The following ZYG11A variants were observed in gnomAD, a reference collection of about 807,000 sequenced individuals.
ZYG11A encodes the protein zyg-11 family member A, cell cycle regulator.
Under a neutral mutation model 77.2 loss-of-function variants are expected in ZYG11A, and 62 were observed. That is an observed-to-expected ratio of 0.80 (90% CI 0.65 to 0.99). ZYG11A has a LOEUF of 0.99. Ranked by LOEUF, ZYG11A falls within the 50% of genes least tolerant of loss-of-function variation. The pLI is 0.00. For synonymous variants in ZYG11A, 315 were observed against 324.6 expected, an observed-to-expected ratio of 0.97 and a Z score of 0.32; for missense variants, 828 against 896.8, an observed-to-expected ratio of 0.92 and a Z score of 0.98.
rs1481767031 is a variant in ZYG11A at position 52,857,539 on chromosome 1, C to T, written c.798C>T (p.His266=). Residue 266 remains histidine, a synonymous_variant, in exon 3 of 14, where the codon CAC becomes CAT. Coordinates refer to ENST00000371528, the MANE Select transcript of ZYG11A (RefSeq NM_001004339.3). ...KCLLHLDISD[H]RQLKSDLAFH... is the part of the protein sequence containing the mutation. ...TGCTTCACCTTGATATTTCTGATCACAGGCAACTCAAATCAGACCTAGCTT... is the reference window on the plus strand; with the variant it reads ...TGCTTCACCTTGATATTTCTGATCATAGGCAACTCAAATCAGACCTAGCTT... 1.3e-6 allele frequency: 2 copies of T among 1,551,888 alleles called. No homozygotes were observed. Among genetic ancestry groups the T allele is most frequent in the Non-Finnish European group, 1.7e-6 (2 of 1,147,018 alleles).
chr1:52,885,746 T>C, intron 11 of ZYG11A, 87 bp from the exon 12 acceptor site: 1 of 965,112 alleles, frequency 1.0e-6, no homozygotes. Context: ...TATCTAAATT[T>C]GTTCAATCGT....
chr1:52,891,515 T>A (rs917723483), intron 13 of ZYG11A, among the ~76,000 whole-genome samples: 3 of 151,918 alleles, frequency 2.0e-5, no homozygotes, highest in African/African-American at 4.9e-5. Context: ...CTCGTTTTTT[T>A]ATATTAATTT....
At chr1:52,888,157 C>G (rs1646481290) in intron 13 of ZYG11A, among the ~76,000 whole-genome samples, 1 of 152,050 alleles carries the variant, frequency 6.6e-6, no homozygotes, top group African/African-American at 2.4e-5. Flanking sequence ...ATGCAGTAAA[C>G]TATGAGATAA....
At chr1:52,854,086 A>G (rs1645763606) in intron 1 of ZYG11A, among the ~76,000 whole-genome samples, 2 of 152,090 alleles carry the variant, frequency 1.3e-5, no homozygotes, top group South Asian at 4.1e-4. Flanking sequence ...AGTATAAAGG[A>G]TTTATACTGT....
In ZYG11A at chr1:52,857,217, A is replaced by C. The variant is rs1196556873; in HGVS notation, c.476A>C (p.Gln159Pro). 2.6e-6 allele frequency: 4 copies of C among 1,552,140 alleles called. No individual in the cohort carries two copies. ...AATAGGTGGATCCAGCAAAACCTCC[A>C]GTGTCTCCTGTTAGACTCGACAAGC... ...CSNRWIQQNLQCLLLDSTSIP... is the reference protein window; with the variant it reads ...CSNRWIQQNLPCLLLDSTSIP... Residue 159 changes from glutamine to proline, a missense_variant, in exon 3 of 14, where the codon CAG becomes CCG. By Grantham distance (76) the Gln-to-Pro change is moderately conservative (BLOSUM62 -1). Transcript: ENST00000371528.
chr1:52,862,959 T>C (rs1645958542), intron 4 of ZYG11A, among the ~76,000 whole-genome samples: 1 of 152,132 alleles, frequency 6.6e-6, no homozygotes, highest in South Asian at 2.1e-4. Flanking sequence ...GTTTTTTTTG[T>C]TTTTTCTGTA....
intron 10 of ZYG11A, among the ~76,000 whole-genome samples, chr1:52,880,549 C>T (rs368838769): frequency 6.6e-6 from 1 of 152,102 alleles, no homozygotes; most frequent in Non-Finnish European, 1.5e-5. Flanking sequence ...AAATATCACT[C>T]CCATGATTAT....
intron 13 of ZYG11A, among the ~76,000 whole-genome samples, chr1:52,892,023 C>G (rs1240997292): frequency 1.3e-5 from 2 of 151,162 alleles, no homozygotes; most frequent in Non-Finnish European, 2.9e-5. Context: ...CTCAGCCTCC[C>G]GAGTAGCTGG....
chr1:52,844,099 G>C (rs1319990835), intron 1 of ZYG11A, among the ~76,000 whole-genome samples: 1 of 152,128 alleles, frequency 6.6e-6, no homozygotes. Flanking sequence ...TGACTTGCTC[G>C]TGAACTTGAA....
At chr1:52,878,964 A>AAC (rs1557452999) in intron 10 of ZYG11A, among the ~76,000 whole-genome samples, 1 of 149,578 alleles carries the variant, frequency 6.7e-6, no homozygotes, top group African/African-American at 2.4e-5. Context: ...AAAAAAAAAA[A>AAC]AAAAAAAAAA....
intron 10 of ZYG11A, among the ~76,000 whole-genome samples, chr1:52,880,251 G>A (rs1015190092): frequency 6.6e-5 from 10 of 151,934 alleles, no homozygotes; most frequent in African/African-American, 2.2e-4. Flanking sequence ...AAAAACAGGC[G>A]TGGGGGGGAC....
intron 4 of ZYG11A, 30 bp downstream of exon 4, chr1:52,860,901 A>G (rs1645915880): frequency 1.3e-6 from 2 of 1,540,406 alleles, no homozygotes; most frequent in African/African-American, 1.4e-5. Context: ...TTTTACTATT[A>G]CTTCTTAACT....
intron 12 of ZYG11A, among the ~76,000 whole-genome samples, chr1:52,886,400 G>A (rs1646451447): frequency 1.3e-5 from 2 of 152,194 alleles, no homozygotes; most frequent in South Asian, 2.1e-4. Flanking sequence ...GATTGAGGAT[G>A]CAATGAGATA....
chr1:52,879,905 A>G (rs2150016846), intron 10 of ZYG11A, among the ~76,000 whole-genome samples: 1 of 151,588 alleles, frequency 6.6e-6, no homozygotes, highest in East Asian at 1.9e-4. Context: ...TGGGATTGCA[A>G]GCATGCGCCA....
Position 52,857,596 on chromosome 1 carries a change from C to A in ZYG11A, c.855C>A (p.Pro285=), listed in dbSNP as rs1240100953. 38 of 1,551,800 alleles carry A rather than the reference C, an allele frequency of 2.4e-5. No individual in the cohort carries two copies. The highest frequency in any genetic ancestry group is 2.9e-5 in the Non-Finnish European group (33 of 1,147,050). Residue 285 remains proline, a synonymous_variant, in exon 3 of 14, where the codon CCC becomes CCA. Transcript: ENST00000371528. The part of the protein sequence containing the change: ...FHLLQQKDIL[P]NVVSLDISGG... ...TGCTACAGCAGAAGGATATCCTGCC[C>A]AATGTTGTGTCATTGGATATTTCTG...
chr1:52,857,538 A>T lies in ZYG11A; in HGVS notation c.797A>T (p.His266Leu). Residue 266 changes from histidine to leucine, a missense_variant, in exon 3 of 14, where the codon CAC becomes CTC. Physicochemically the swap from His to Leu is moderately conservative, Grantham distance 99. Transcript: ENST00000371528. ...KCLLHLDISD[H>L]RQLKSDLAFH... is the part of the protein sequence containing the mutation. ...CTGCTTCACCTTGATATTTCTGATC[A>T]CAGGCAACTCAAATCAGACCTAGCT... 1 of 1,552,038 alleles carries T rather than the reference A, an allele frequency of 6.4e-7. No homozygotes were observed. Among genetic ancestry groups the T allele is most frequent in the Non-Finnish European group, 8.7e-7 (1 of 1,147,024 alleles).
intron 11 of ZYG11A, among the ~76,000 whole-genome samples, chr1:52,885,579 T>A (rs535129267): frequency 3.8e-4 from 58 of 152,344 alleles, no homozygotes; most frequent in South Asian, 3.5e-3. Flanking sequence ...GTTCTTTGTT[T>A]TACTTTCTGT....
chr1:52,885,919 CTTCT>C (rs1249242303), intron 12 of ZYG11A, 25 bp downstream of exon 12: 1 of 1,492,702 alleles, frequency 6.7e-7, no homozygotes. Flanking sequence ...TTGTGCTTTT[CTTCT>C]TTTTTTTTTC....
chr1:52,851,915 T>A (rs942816066), intron 1 of ZYG11A, among the ~76,000 whole-genome samples: 11 of 109,828 alleles, frequency 1.0e-4, no homozygotes, highest in African/African-American at 6.3e-4. Flanking sequence ...GCCTTCCTAA[T>A]TTTTTTTTTT....
Sources: allele counts gnomAD v4.1 joint callset (sites outside exome capture counted in the v4.1 genomes callset), GRCh38; gene constraint gnomAD v4.1.1; transcripts MANE v1.5; gene names NCBI Gene and HGNC (gene_info 2026-07-23, HGNC 2026-07-21).